The following GRIK4 variants were observed in gnomAD, a reference collection of about 807,000 sequenced individuals.
GRIK4 encodes the protein glutamate receptor ionotropic, kainate 4.
In GRIK4, 40 loss-of-function variants were observed where a neutral mutation model predicts 104.9. The observed-to-expected ratio is 0.38, with a 90% CI of 0.30 to 0.50. GRIK4 has a LOEUF of 0.50. GRIK4 is among the 20% of genes least tolerant of loss of function. The pLI is 0.93. For synonymous variants in GRIK4, 485 were observed against 524.9 expected (o/e 0.92, Z 1.04); for missense variants, 1,047 against 1,308.1 (o/e 0.80, Z 3.08).
chr11:120,731,453 G>T (rs1443729374), intron 3 of GRIK4, among the ~76,000 whole-genome samples: 5 of 151,950 alleles, frequency 3.3e-5, no homozygotes, highest in African/African-American at 1.2e-4. Flanking sequence ...TTAATATATT[G>T]TTAAATTTGG....
chr11:120,789,609 G>A (rs1349954255), intron 3 of GRIK4, among the ~76,000 whole-genome samples: 1 of 152,126 alleles, frequency 6.6e-6, no homozygotes, highest in Non-Finnish European at 1.5e-5. Context: ...GTCATCGCCT[G>A]TCGGAAGCCC....
intron 1 of GRIK4, among the ~76,000 whole-genome samples, chr11:120,544,805 TAGAA>T (rs1180445438): frequency 6.6e-6 from 1 of 152,118 alleles, no homozygotes; most frequent in Non-Finnish European, 1.5e-5. Context: ...TAAGGAGGGT[TAGAA>T]AGAATCAACA....
intron 3 of GRIK4, among the ~76,000 whole-genome samples, chr11:120,688,401 G>A (rs755950014): frequency 5.9e-4 from 90 of 152,316 alleles, no homozygotes; most frequent in Middle Eastern, 3.4e-3. Context: ...GGGTGTCTTG[G>A]TAGCTGGCCC....
intron 1 of GRIK4, among the ~76,000 whole-genome samples, chr11:120,553,276 T>C (rs1948156914): frequency 6.6e-6 from 1 of 152,142 alleles, no homozygotes; most frequent in Non-Finnish European, 1.5e-5. Context: ...AGGAGCCTTC[T>C]GAAGAGACAG....
In GRIK4 at chr11:120,903,110, T is replaced by G. The variant is rs955553264; in HGVS notation, c.1273-2180T>G. On this transcript the variant is annotated intron_variant, in intron 12 of 20. Coordinates refer to ENST00000527524, the MANE Select transcript of GRIK4 (RefSeq NM_014619.5). This position sits in a 1 kb window ranked among gnomAD's most constrained non-coding sequence, Gnocchi z 4.4. ...CAGAACGAGCTCAGCCCATCAGGAT[T>G]TCAGTGCTTTCCTCTCTGGGCTCCT... Among the ~76,000 whole-genome samples, 1 of 152,068 alleles carries G rather than the reference T, an allele frequency of 6.6e-6. No homozygotes were observed. Among genetic ancestry groups the G allele is most frequent in the Admixed American group, 6.5e-5 (1 of 15,276 alleles).
intron 1 of GRIK4, among the ~76,000 whole-genome samples, chr11:120,613,209 T>C (rs537749346): frequency 9.2e-5 from 14 of 152,154 alleles, no homozygotes; most frequent in Non-Finnish European, 1.8e-4. Context: ...TGATTGGCCT[T>C]GGGTAAGTTC....
chr11:120,731,937 T>C (rs1951138794), intron 3 of GRIK4, among the ~76,000 whole-genome samples: 2 of 152,186 alleles, frequency 1.3e-5, no homozygotes, highest in South Asian at 4.1e-4. Context: ...GTTTGGATCT[T>C]CTTTCTTTTT....
At chr11:120,560,205 C>T (rs751544333) in intron 1 of GRIK4, among the ~76,000 whole-genome samples, 13 of 152,148 alleles carry the variant, frequency 8.5e-5, no homozygotes, top group East Asian at 3.9e-4. Flanking sequence ...TGTGCCACCA[C>T]GCCCGGCTAA....
intron 1 of GRIK4, among the ~76,000 whole-genome samples, chr11:120,622,120 C>G (rs1949197131): frequency 6.6e-6 from 1 of 152,108 alleles, no homozygotes; most frequent in Admixed American, 6.5e-5. Flanking sequence ...AGGCTGATCT[C>G]AAACTCCTGA....
chr11:120,757,207 G>A (rs1447544208), intron 3 of GRIK4, among the ~76,000 whole-genome samples: 1 of 152,164 alleles, frequency 6.6e-6, no homozygotes, highest in African/African-American at 2.4e-5. Flanking sequence ...GCAGCCTCTA[G>A]GGAGATAAAA....
chr11:120,526,570 T>C (rs1032625076), intron 1 of GRIK4, among the ~76,000 whole-genome samples: 2 of 152,212 alleles, frequency 1.3e-5, no homozygotes, highest in Admixed American at 6.5e-5. Context: ...CAGTGGCTCA[T>C]GCCTGTAATC....
intron 3 of GRIK4, among the ~76,000 whole-genome samples, chr11:120,672,748 A>G (rs1950041691): frequency 6.6e-6 from 1 of 152,204 alleles, no homozygotes; most frequent in African/African-American, 2.4e-5. Flanking sequence ...GTGTTTAGGA[A>G]TGCTTGTGAT....
intron 1 of GRIK4, among the ~76,000 whole-genome samples, chr11:120,649,819 C>A (rs772071333): frequency 6.6e-6 from 1 of 152,204 alleles, no homozygotes; most frequent in East Asian, 1.9e-4. Context: ...AAATGCTGTC[C>A]TTAAAAGTTG....
chr11:120,928,224 A>AAG (rs1178398418), intron 13 of GRIK4, among the ~76,000 whole-genome samples: 2 of 151,174 alleles, frequency 1.3e-5, no homozygotes, highest in Non-Finnish European at 3.0e-5. Context: ...AAAAAAAAAA[A>AAG]AAAAAAGCTA....
chr11:120,787,007 A>G (rs1053083142), intron 3 of GRIK4, among the ~76,000 whole-genome samples: 1 of 152,234 alleles, frequency 6.6e-6, no homozygotes, highest in Admixed American at 6.5e-5. Context: ...TGATTTTTAT[A>G]TTGACTAGAG....
At chr11:120,609,407 C>T (rs781478984) in intron 1 of GRIK4, among the ~76,000 whole-genome samples, 2 of 151,920 alleles carry the variant, frequency 1.3e-5, no homozygotes, top group Admixed American at 6.5e-5. Flanking sequence ...CATGTGCCTC[C>T]ACTCCTGGCT....
At chr11:120,592,332 A>G (rs1411771849) in intron 1 of GRIK4, among the ~76,000 whole-genome samples, 1 of 152,198 alleles carries the variant, frequency 6.6e-6, no homozygotes, top group African/African-American at 2.4e-5. Flanking sequence ...GTGTGTGTGC[A>G]CACGCCTCTT....
intron 3 of GRIK4, among the ~76,000 whole-genome samples, chr11:120,704,562 G>A (rs185387590): frequency 2.0e-5 from 3 of 152,242 alleles, no homozygotes; most frequent in Admixed American, 1.3e-4. Context: ...AGATTGCAGG[G>A]CTGTCATAGA....
At chr11:120,591,460 A>T (rs1011634048) in intron 1 of GRIK4, among the ~76,000 whole-genome samples, 5 of 151,462 alleles carry the variant, frequency 3.3e-5, no homozygotes, top group African/African-American at 1.2e-4. Flanking sequence ...TCCCATGTTC[A>T]CTCTTCCTCT....
Sources: gnomAD v4.1 joint callset for allele counts (sites outside exome capture counted in the v4.1 genomes callset) on GRCh38, gnomAD v4.1.1 for gene constraint, Gnocchi (gnomAD v3.1) non-coding constraint, MANE v1.5 for transcripts, NCBI Gene and HGNC (gene_info 2026-07-23, HGNC 2026-07-21) for gene names.